PPP2R5D: variants seen among roughly 807,000 people sequenced by gnomAD.
PPP2R5D encodes the protein serine/threonine-protein phosphatase 2A 56 kDa regulatory subunit delta isoform.
In PPP2R5D, 12 loss-of-function variants were observed where a neutral mutation model predicts 79.1. That is an observed-to-expected ratio of 0.15 (90% CI 0.10 to 0.25). PPP2R5D has a LOEUF of 0.25. PPP2R5D is among the 10% of genes least tolerant of loss of function. PPP2R5D has a pLI of 1.00. For missense variants in PPP2R5D, 419 were observed against 760.2 expected (o/e 0.55, Z 5.28); for synonymous variants, 277 against 286.6 (o/e 0.97, Z 0.34).
intron 2 of PPP2R5D, among the ~76,000 whole-genome samples, chr6:43,003,130 G>C (rs1581841441): frequency 6.6e-6 from 1 of 152,246 alleles, no homozygotes; most frequent in Admixed American, 6.5e-5. Flanking sequence ...TTTAAAAAGG[G>C]ATAGCTTTTA....
At chr6:43,004,602 A>G (rs1026741903) in intron 2 of PPP2R5D, among the ~76,000 whole-genome samples, 1 of 109,430 alleles carries the variant, frequency 9.1e-6, no homozygotes, top group Non-Finnish European at 1.9e-5. Context: ...TTTAGATATT[A>G]TCAATTGACT....
chr6:43,002,401 G>T (rs1350627195), intron 2 of PPP2R5D, among the ~76,000 whole-genome samples: 2 of 152,116 alleles, frequency 1.3e-5, no homozygotes, highest in African/African-American at 4.8e-5. Context: ...CTGACCTCGT[G>T]ATCCGCCCGC....
chr6:43,005,723 G>C (rs1762036622), intron 2 of PPP2R5D, among the ~76,000 whole-genome samples: 1 of 151,906 alleles, frequency 6.6e-6, no homozygotes, highest in Admixed American at 6.6e-5. Flanking sequence ...CTGGGTTCAA[G>C]CGATTCTCCT....
At chr6:42,994,595 G>C (rs949089909) in intron 2 of PPP2R5D, among the ~76,000 whole-genome samples, 2 of 151,616 alleles carry the variant, frequency 1.3e-5, no homozygotes, top group Non-Finnish European at 2.9e-5. Context: ...ACCTGAGATT[G>C]GGAGTTAGAG....
chr6:42,988,376 C>T (rs1180630100), intron 1 of PPP2R5D, among the ~76,000 whole-genome samples: 2 of 152,320 alleles, frequency 1.3e-5, no homozygotes, highest in Non-Finnish European at 2.9e-5. Context: ...GGGGAGCTTT[C>T]GGCTTCACTA....
In PPP2R5D at chr6:43,011,231, TG is replaced by T; in HGVS notation, c.1756del (p.Glu586ArgfsTer10). 1 of 1,614,088 alleles carries T rather than the reference TG, an allele frequency of 6.2e-7. No homozygotes were observed. ...CAGGACGTGTACACCATCAAGGCAC[TG>T]GAGGCGCACAAGCGGGCGGAAGAGT... ...LPQDVYTIKA[L>X]EAHKRAEEFL... On this transcript the variant is annotated frameshift_variant, in exon 16 of 16. Transcript: ENST00000485511. LOFTEE classifies it high-confidence loss of function.
At chr6:42,991,604 A>G (rs1771271378) in intron 2 of PPP2R5D, among the ~76,000 whole-genome samples, 1 of 152,194 alleles carries the variant, frequency 6.6e-6, no homozygotes, top group East Asian at 1.9e-4. Flanking sequence ...TGAGGCTCTC[A>G]TTCACTCCTG....
intron 1 of PPP2R5D, among the ~76,000 whole-genome samples, chr6:42,986,023 C>G (rs1770816920): frequency 6.6e-6 from 1 of 152,028 alleles, no homozygotes; most frequent in Non-Finnish European, 1.5e-5. Flanking sequence ...GTGATCTGAC[C>G]CCCTCGGCCT....
chr6:42,989,619 C>A lies in PPP2R5D; in HGVS notation c.36C>A (p.Pro12=). Residue 12 remains proline, a synonymous_variant, in exon 2 of 16, where the codon CCC becomes CCA. Coordinates refer to ENST00000485511, the MANE Select transcript of PPP2R5D (RefSeq NM_006245.4). ...PYKLKKEKEP[P]KVAKCTAKPS... ...TCATCTTTTCCTTTCAGGAGCCCCC[C>A]AAGGTTGCCAAATGCACAGCCAAGC... 2 of 1,613,510 alleles carry A rather than the reference C, an allele frequency of 1.2e-6. No homozygotes were observed. Among genetic ancestry groups the A allele is most frequent in the Non-Finnish European group, 1.7e-6 (2 of 1,179,576 alleles).
intron 1 of PPP2R5D, among the ~76,000 whole-genome samples, chr6:42,987,289 G>T (rs1030618348): frequency 1.3e-5 from 2 of 152,128 alleles, no homozygotes; most frequent in Non-Finnish European, 2.9e-5. Context: ...CGTGCTTAGT[G>T]GATAGGTGCT....
Position 43,006,857 on chromosome 6 carries a change from G to A in PPP2R5D, c.323-54G>A. On this transcript the variant is annotated intron_variant, in intron 3 of 15. Transcript: ENST00000485511. This position sits in a 1 kb window ranked among gnomAD's most constrained non-coding sequence, Gnocchi z 4.7. The stretch of plus-strand genomic sequence containing the variant: ...AAGGGAAAGCCCTTGAAGGCAAGCA[G>A]GGCATCGCAGTGAAGGACTACAGAG... 6.2e-7 allele frequency: 1 copy of A among 1,603,726 alleles called. No individual in the cohort carries two copies. Among genetic ancestry groups the A allele is most frequent in the Non-Finnish European group, 8.5e-7 (1 of 1,172,494 alleles).
intron 2 of PPP2R5D, among the ~76,000 whole-genome samples, chr6:42,990,123 T>G (rs1354735232): frequency 6.6e-6 from 1 of 152,128 alleles, no homozygotes; most frequent in African/African-American, 2.4e-5. Flanking sequence ...CTGCCCTTGG[T>G]CCTGATTGAA....
In PPP2R5D at chr6:43,007,958, G is replaced by A; in HGVS notation, c.750G>A (p.Glu250=). 1 of 1,614,150 alleles carries A rather than the reference G, an allele frequency of 6.2e-7. No homozygotes were observed. Among genetic ancestry groups the A allele is most frequent in the Non-Finnish European group, 8.5e-7 (1 of 1,180,030 alleles). Residue 250 remains glutamate, a synonymous_variant, in exon 7 of 16, where the codon GAG becomes GAA. Transcript: ENST00000485511. This position sits in a 1 kb window ranked among gnomAD's most constrained non-coding sequence, Gnocchi z 4.5. ...AGCTCCTAGACCTATTTGACAGTGA[G>A]GATCCTCGAGAGCGGGACTTCCTCA... The part of the protein sequence containing the change: ...VLALLDLFDS[E]DPRERDFLKT...
rs986438171 is a variant in PPP2R5D at position 43,007,623 on chromosome 6, C to G, written c.726+117C>G. On this transcript the variant is annotated intron_variant, in intron 6 of 15. Transcript: ENST00000485511. The surrounding 1 kb of genome is among the most constrained non-coding windows in gnomAD (Gnocchi z 4.5). ...TATTGGGTTTCATCCATGTCTGGTA[C>G]GAGGAGGCTATAAAGGGTAAAAAAC... The G allele has an allele frequency of 9.4e-7, 1 of 1,062,428 alleles. No individual in the cohort carries two copies. Among genetic ancestry groups the G allele is most frequent in the Admixed American group, 2.0e-5 (1 of 49,520 alleles). 65.8% of individuals were successfully genotyped at this position (1,062,428 alleles called of 1,614,324 possible). A position where few individuals can be genotyped will look rare whatever the true frequency, so the allele number is the denominator to read the frequency against.
Position 42,995,352 on chromosome 6 carries a change from C to CG in PPP2R5D, c.105+5665dup, listed in dbSNP as rs1771582942. ...CTTATTATGTTGCTAAGGCTGGTCTCGAACTCTTGGACCGAAGCAATCCTC... is the reference window on the plus strand; with the variant it reads ...CTTATTATGTTGCTAAGGCTGGTCTCGGAACTCTTGGACCGAAGCAATCCTC... On this transcript the variant is annotated intron_variant, in intron 2 of 15. Coordinates refer to ENST00000485511, the MANE Select transcript of PPP2R5D (RefSeq NM_006245.4). Among the ~76,000 whole-genome samples the CG allele has an allele frequency of 5.3e-5, 8 of 151,846 alleles. No individual in the cohort carries two copies. In the South Asian group the frequency reaches 1.7e-3, roughly 32 times the overall value.
At position 43,009,342 on chromosome 6, in the gene PPP2R5D, T is replaced by C. The variant is rs1379136270; in HGVS notation, c.1272T>C (p.Tyr424=). The C allele has an allele frequency of 1.2e-6, 2 of 1,613,866 alleles. No individual in the cohort carries two copies. The highest frequency in any genetic ancestry group is 1.7e-5 in the Admixed American group (1 of 59,978). The part of the protein sequence containing the change: ...PHFQVAERAL[Y]YWNNEYIMSL... ...ACCAGGTGGCAGAGCGTGCTCTCTATTACTGGAACAATGAGTACATCATGA... is the reference window on the plus strand; with the variant it reads ...ACCAGGTGGCAGAGCGTGCTCTCTACTACTGGAACAATGAGTACATCATGA... Residue 424 remains tyrosine (Y), a synonymous_variant, in exon 12 of 16, where the codon TAT becomes TAC. Transcript: ENST00000485511. The surrounding 1 kb of genome is among the most constrained non-coding windows in gnomAD (Gnocchi z 5.6).
intron 2 of PPP2R5D, among the ~76,000 whole-genome samples, chr6:42,998,714 A>G (rs1771965594): frequency 6.6e-6 from 1 of 152,010 alleles, no homozygotes; most frequent in African/African-American, 2.4e-5. Context: ...CCTGGGCAAC[A>G]TGGTGAAACC....
At chr6:42,997,870 G>T (rs1057372431) in intron 2 of PPP2R5D, among the ~76,000 whole-genome samples, 15 of 149,508 alleles carry the variant, frequency 1.0e-4, no homozygotes, top group Non-Finnish European at 2.1e-4. Flanking sequence ...TAGTAGAGAC[G>T]GGGTTTTGCC....
At chr6:42,991,264 G>A (rs1394774261) in intron 2 of PPP2R5D, among the ~76,000 whole-genome samples, 1 of 152,300 alleles carries the variant, frequency 6.6e-6, no homozygotes, top group East Asian at 1.9e-4. Context: ...GAAGGTGGTT[G>A]GAAGCTGGTA....
Sources: allele counts gnomAD v4.1 joint callset (sites outside exome capture counted in the v4.1 genomes callset), GRCh38; gene constraint gnomAD v4.1.1; non-coding constraint Gnocchi (gnomAD v3.1); transcripts MANE v1.5; gene names NCBI Gene and HGNC (gene_info 2026-07-23, HGNC 2026-07-21).